The following PRRC1 variants were observed in gnomAD, a reference collection of about 807,000 sequenced individuals.
PRRC1 encodes the protein proline rich coiled-coil 1.
In PRRC1, 39 loss-of-function variants were observed where a neutral mutation model predicts 40.7. The observed-to-expected ratio is 0.96, with a 90% CI of 0.74 to 1.25. The LOEUF (loss-of-function observed/expected upper bound fraction) is 1.25, where lower values mean the gene tolerates loss of function less well. Among genes scored for constraint, PRRC1 ranks in the 50% most tolerant of loss-of-function variants. PRRC1 has a pLI of 0.00. For missense variants in PRRC1, 573 were observed against 548.3 expected (o/e 1.05, Z -0.45); for synonymous variants, 175 against 193.3 (o/e 0.91, Z 0.79).
rs370490327 is a variant in PRRC1, at chr5:127,552,983, C to T, written c.*1067C>T. 63 of 798,210 alleles carry T rather than the reference C, an allele frequency of 7.9e-5. No homozygotes were observed. The highest frequency in any genetic ancestry group is 5.8e-5 in the South Asian group (1 of 17,186). The allele number at this position is 798,210 out of a possible 1,614,324, so 49.4% of individuals were successfully genotyped here. On this transcript the variant is annotated 3_prime_UTR_variant, in exon 9 of 9. Coordinates refer to ENST00000296666, the MANE Select transcript of PRRC1 (RefSeq NM_130809.5). Reference sequence around the variant, plus strand: ...TATTTCTATTTCGTGGAAGCCTTTTCCCCTCAAATAATATATTATATCATT... The same window carrying T: ...TATTTCTATTTCGTGGAAGCCTTTTTCCCTCAAATAATATATTATATCATT...
chr5:127,532,599 G>GA lies in PRRC1; in HGVS notation c.758-1015dup, dbSNP rs201475099. On this transcript the variant is annotated intron_variant, in intron 5 of 8. Coordinates refer to ENST00000296666, the MANE Select transcript of PRRC1 (RefSeq NM_130809.5). ...TGTGTCCCATGTGGAGGAAAAAAGT[G>GA]AAAAAAAAAGTATATTCTTCTTCTC... 1.6e-3 allele frequency among the ~76,000 whole-genome samples: 238 copies of GA among 150,172 alleles called. 3 individuals carry two copies. Among genetic ancestry groups the GA allele is most frequent in the Admixed American group, 4.0e-3 (60 of 15,128 alleles).
chr5:127,533,614 T>A lies in PRRC1; in HGVS notation c.758-9T>A. Reference sequence around the variant, plus strand: ...ATTTGAAAGTTAAATTTTCCTCTGGTCTTTTTAGAATCTGGAGGTGAACTG... The same window carrying A: ...ATTTGAAAGTTAAATTTTCCTCTGGACTTTTTAGAATCTGGAGGTGAACTG... On this transcript the variant is annotated splice_polypyrimidine_tract_variant and intron_variant, in intron 5 of 8. Coordinates refer to ENST00000296666, the MANE Select transcript of PRRC1 (RefSeq NM_130809.5). 6 of 1,604,490 alleles carry A rather than the reference T, an allele frequency of 3.7e-6. No homozygotes were observed. The highest frequency in any genetic ancestry group is 5.1e-6 in the Non-Finnish European group (6 of 1,176,826).
intron 1 of PRRC1, among the ~76,000 whole-genome samples, chr5:127,523,197 T>C (rs888642165): frequency 6.6e-6 from 1 of 152,234 alleles, no homozygotes; most frequent in Non-Finnish European, 1.5e-5. Context: ...TAATTAGTTA[T>C]ATTGTTATTA....
Position 127,526,484 on chromosome 5 carries a change from G to A in PRRC1, c.494-134G>A, listed in dbSNP as rs1028978367. ...TTTAATTTGCGTTTTATAAAGGTTT[G>A]TGTTAATCTTTGATTGTATAACTCA... On this transcript the variant is annotated intron_variant, in intron 3 of 8. Coordinates refer to ENST00000296666, the MANE Select transcript of PRRC1 (RefSeq NM_130809.5). 8 of 603,248 alleles carry A rather than the reference G, an allele frequency of 1.3e-5. No individual in the cohort carries two copies. In the East Asian group the frequency reaches 2.4e-4, roughly 18 times the overall value. The allele number at this position is 603,248 out of a possible 1,614,324, so 37.4% of individuals were successfully genotyped here.
At chr5:127,533,083 A>G (rs967514059) in intron 5 of PRRC1, among the ~76,000 whole-genome samples, 3 of 152,164 alleles carry the variant, frequency 2.0e-5, no homozygotes, top group East Asian at 1.9e-4. Context: ...TGTTATTTCA[A>G]TTTCATATAT....
chr5:127,545,527 A>G (rs1484097857), intron 7 of PRRC1, among the ~76,000 whole-genome samples: 1 of 151,708 alleles, frequency 6.6e-6, no homozygotes, highest in Non-Finnish European at 1.5e-5. Flanking sequence ...TCAGTAAACT[A>G]TCACAAGGAC....
rs10695 is a variant in PRRC1 at position 127,552,267 on chromosome 5, C to G, written c.*351C>G. 318,670 of 1,050,008 alleles carry G rather than the reference C, an allele frequency of 0.3. 49,296 individuals carry two copies. The highest frequency in any genetic ancestry group is 0.54 in the East Asian group (6,567 of 12,198). The allele number at this position is 1,050,008 out of a possible 1,614,324, so 65.0% of individuals were successfully genotyped here. A position where few individuals can be genotyped will look rare whatever the true frequency, so the allele number is the denominator to read the frequency against. On this transcript the variant is annotated 3_prime_UTR_variant, in exon 9 of 9. Coordinates refer to ENST00000296666, the MANE Select transcript of PRRC1 (RefSeq NM_130809.5). The stretch of plus-strand genomic sequence containing the variant: ...TGATTATTTTGTTCTTTAAAGAAGA[C>G]ATTATTAAAGAACATGTTGGTTGAA...
In PRRC1 at chr5:127,517,739, C is replaced by T. The variant is rs1029796547; in HGVS notation, c.-58C>T. The T allele has an allele frequency of 1.0e-4, 16 of 152,384 alleles. No homozygotes were observed. Among genetic ancestry groups the T allele is most frequent in the African/African-American group, 3.6e-4 (15 of 41,464 alleles). 9.4% of individuals were successfully genotyped at this position (152,384 alleles called of 1,614,324 possible). On this transcript the variant is annotated 5_prime_UTR_variant, in exon 1 of 9. Coordinates refer to ENST00000296666, the MANE Select transcript of PRRC1 (RefSeq NM_130809.5). ...GTCCCGACCTCCCTATCATACCACA[C>T]TCTTCAGCGACCACGCAGGCACTTT...
rs912568780 is a variant in PRRC1, at chr5:127,554,010, C to T, written c.*2094C>T. The T allele has an allele frequency of 1.6e-5, 17 of 1,080,154 alleles. No individual in the cohort carries two copies. Among genetic ancestry groups the T allele is most frequent in the South Asian group, 1.4e-4 (8 of 58,588 alleles). The allele number at this position is 1,080,154 out of a possible 1,614,324, so 66.9% of individuals were successfully genotyped here. A position where few individuals can be genotyped will look rare whatever the true frequency, so the allele number is the denominator to read the frequency against. On this transcript the variant is annotated 3_prime_UTR_variant, in exon 9 of 9. Transcript: ENST00000296666. ...TTGGCCCAGAGTTTTTGAAAAGCAG[C>T]GGAGCATGACTGACTTCACATGCTC...
Position 127,554,060 on chromosome 5 carries a change from T to G in PRRC1, c.*2144T>G. 1.4e-6 allele frequency: 1 copy of G among 693,182 alleles called. No individual in the cohort carries two copies. The highest frequency in any genetic ancestry group is 2.3e-6 in the Non-Finnish European group (1 of 443,748). The allele number at this position is 693,182 out of a possible 1,614,324, so 42.9% of individuals were successfully genotyped here. ...CAGCTTTCTCAGCCTTTTGTTTATT[T>G]TGTTGTCCTTAGATTTCCCTGTTGT... On this transcript the variant is annotated 3_prime_UTR_variant, in exon 9 of 9. Transcript: ENST00000296666.
In PRRC1 at chr5:127,554,132, G is replaced by A; in HGVS notation, c.*2216G>A. On this transcript the variant is annotated 3_prime_UTR_variant, in exon 9 of 9. Coordinates refer to ENST00000296666, the MANE Select transcript of PRRC1 (RefSeq NM_130809.5). ...TCATCATCTCTAACACACCATGGCA[G>A]CTTAGCCAGGTAGTCTTAGTGGTGG... The A allele has an allele frequency of 5.2e-6, 2 of 385,158 alleles. No individual in the cohort carries two copies. Among genetic ancestry groups the A allele is most frequent in the Non-Finnish European group, 4.7e-6 (1 of 214,656 alleles). 23.9% of individuals were successfully genotyped at this position (385,158 alleles called of 1,614,324 possible).
intron 3 of PRRC1, among the ~76,000 whole-genome samples, chr5:127,526,089 C>T (rs904291672): frequency 1.3e-5 from 2 of 152,154 alleles, no homozygotes; most frequent in Admixed American, 6.5e-5. Context: ...CATCCTCTGC[C>T]TGTTGTTTCT....
chr5:127,519,205 G>C (rs190646865), intron 1 of PRRC1, among the ~76,000 whole-genome samples: 69 of 152,284 alleles, frequency 4.5e-4, no homozygotes, highest in African/African-American at 1.7e-3. Context: ...ATGAAGAAAA[G>C]AGGGAGCTTT....
intron 7 of PRRC1, among the ~76,000 whole-genome samples, chr5:127,542,756 GC>G (rs1320693488): frequency 6.7e-6 from 1 of 149,416 alleles, no homozygotes; most frequent in African/African-American, 2.5e-5. Flanking sequence ...TTTATTTTGA[GC>G]CTATGTGTGT....
intron 7 of PRRC1, among the ~76,000 whole-genome samples, chr5:127,539,609 T>C (rs1767985229): frequency 1.3e-5 from 2 of 152,164 alleles, no homozygotes; most frequent in South Asian, 4.1e-4. Context: ...GTTTTTCAGG[T>C]GGCTTTTTAT....
intron 3 of PRRC1, among the ~76,000 whole-genome samples, chr5:127,525,206 G>C (rs1767588496): frequency 6.6e-6 from 1 of 152,140 alleles, no homozygotes; most frequent in East Asian, 1.9e-4. Flanking sequence ...TATGTATATG[G>C]ATTTGCTTAT....
At chr5:127,538,153 G>T (rs530057973) in intron 6 of PRRC1, among the ~76,000 whole-genome samples, 5 of 151,992 alleles carry the variant, frequency 3.3e-5, no homozygotes, top group Non-Finnish European at 5.9e-5. Flanking sequence ...TGTCTTACAC[G>T]TTCTCGCACA....
intron 6 of PRRC1, among the ~76,000 whole-genome samples, chr5:127,537,340 C>G (rs1481534585): frequency 6.6e-6 from 1 of 151,768 alleles, no homozygotes; most frequent in African/African-American, 2.4e-5. Flanking sequence ...AATAAAATCT[C>G]CTTCTCAAAA....
chr5:127,519,796 CT>C (rs1360334899), intron 1 of PRRC1, among the ~76,000 whole-genome samples: 1 of 152,206 alleles, frequency 6.6e-6, no homozygotes, highest in Non-Finnish European at 1.5e-5. Flanking sequence ...GTCAGTGTCT[CT>C]ACTTAGATGT....
Sources: gnomAD v4.1 joint callset for allele counts (sites outside exome capture counted in the v4.1 genomes callset) on GRCh38, gnomAD v4.1.1 for gene constraint, MANE v1.5 for transcripts, NCBI Gene and HGNC (gene_info 2026-07-23, HGNC 2026-07-21) for gene names.